The following ADCY2 variants were observed in gnomAD, a reference collection of about 807,000 sequenced individuals.
The protein encoded by ADCY2 is adenylate cyclase 2.
In ADCY2, 31 loss-of-function variants were observed where a neutral mutation model predicts 125.2. That is an observed-to-expected ratio of 0.25 (90% CI 0.19 to 0.33). The LOEUF is 0.33. Among genes scored for constraint, ADCY2 ranks in the 10% least tolerant of loss-of-function variants. The pLI, the probability that ADCY2 is intolerant of heterozygous loss-of-function variation, is 1.00. For synonymous variants in ADCY2, 512 were observed against 548.4 expected, an observed-to-expected ratio of 0.93 and a Z score of 0.93; for missense variants, 904 against 1,418.2, an observed-to-expected ratio of 0.64 and a Z score of 5.82.
At chr5:7,687,815 A>G (rs1740565866) in intron 4 of ADCY2, among the ~76,000 whole-genome samples, 1 of 152,204 alleles carries the variant, frequency 6.6e-6, no homozygotes, top group South Asian at 2.1e-4. Flanking sequence ...ACACTGGGAA[A>G]GTTGACTGAT....
Position 7,512,218 on chromosome 5 carries a change from C to CAAAAAAAAAAAAAAAAAAAAAA in ADCY2, c.409-8519_409-8498dup, listed in dbSNP as rs57381383. Among the ~76,000 whole-genome samples, 46 of 57,870 alleles carry CAAAAAAAAAAAAAAAAAAAAAA rather than the reference C, an allele frequency of 7.9e-4. 5 individuals are homozygous for CAAAAAAAAAAAAAAAAAAAAAA. Among genetic ancestry groups the CAAAAAAAAAAAAAAAAAAAAAA allele is most frequent in the East Asian group, 2.2e-3 (3 of 1,334 alleles). 38.0% of individuals were successfully genotyped at this position (57,870 alleles called of 152,430 possible). A position where few individuals can be genotyped will look rare whatever the true frequency, so the allele number is the denominator to read the frequency against. ...CCTGGGCAGTAGAGCATGACTCCATCAAAAAAAAAAAAAAAAAAAAAAGAA... is the reference window on the plus strand; with the variant it reads ...CCTGGGCAGTAGAGCATGACTCCATCAAAAAAAAAAAAAAAAAAAAAAAAAAAAAAAAAAAAAAAAAAAAGAA... On this transcript the variant is annotated intron_variant, in intron 2 of 24. Transcript: ENST00000338316.
chr5:7,426,044 G>A (rs1045978391), intron 2 of ADCY2, among the ~76,000 whole-genome samples: 8 of 152,296 alleles, frequency 5.3e-5, no homozygotes, highest in African/African-American at 1.9e-4. Context: ...ACTCAGAGGC[G>A]AGGTAGTAAA....
intron 4 of ADCY2, among the ~76,000 whole-genome samples, chr5:7,635,561 A>G (rs1738470568): frequency 6.6e-6 from 1 of 152,152 alleles, no homozygotes. Context: ...AGAAATCCAG[A>G]TTTGAGTTTT....
chr5:7,649,949 G>A (rs988234650), intron 4 of ADCY2, among the ~76,000 whole-genome samples: 1 of 151,898 alleles, frequency 6.6e-6, no homozygotes, highest in South Asian at 2.1e-4. Context: ...CAAGCCATCT[G>A]CAGATGGCCC....
At chr5:7,586,137 C>T (rs1269057278) in intron 3 of ADCY2, among the ~76,000 whole-genome samples, 1 of 152,046 alleles carries the variant, frequency 6.6e-6, no homozygotes, top group African/African-American at 2.4e-5. Context: ...TATATTTTTC[C>T]CTGTATCATG....
chr5:7,732,573 C>A (rs745948322), intron 14 of ADCY2, among the ~76,000 whole-genome samples: 1 of 152,120 alleles, frequency 6.6e-6, no homozygotes, highest in Non-Finnish European at 1.5e-5. Context: ...TTAAAGAAAC[C>A]ATTTTGCCGT....
intron 24 of ADCY2, among the ~76,000 whole-genome samples, chr5:7,824,796 A>G (rs1171522627): frequency 6.6e-6 from 1 of 152,118 alleles, no homozygotes; most frequent in Non-Finnish European, 1.5e-5. Flanking sequence ...TGGAGGATTC[A>G]CCCTGGTTCT....
At chr5:7,630,436 AG>A (rs1194027221) in intron 4 of ADCY2, among the ~76,000 whole-genome samples, 1 of 152,122 alleles carries the variant, frequency 6.6e-6, no homozygotes, top group Non-Finnish European at 1.5e-5. Context: ...TATTTCTTTA[AG>A]TTTTTATAAT....
At chr5:7,823,554 G>T (rs1360905846) in intron 24 of ADCY2, among the ~76,000 whole-genome samples, 2 of 152,258 alleles carry the variant, frequency 1.3e-5, no homozygotes, top group Middle Eastern at 3.4e-3. Flanking sequence ...AATGCCCAGG[G>T]ATACTCCTGC....
In ADCY2 at chr5:7,677,181, G is replaced by A. The variant is rs1740157118; in HGVS notation, c.721-13510G>A. On this transcript the variant is annotated intron_variant, in intron 4 of 24. Coordinates refer to ENST00000338316, the MANE Select transcript of ADCY2 (RefSeq NM_020546.3). ...TAATCTCAGCTACTCGGGAGGCTGA[G>A]GCAGGAGAATCGCTTGAACGCAGGA... Among the ~76,000 whole-genome samples, 4 of 152,256 alleles carry A rather than the reference G, an allele frequency of 2.6e-5. No homozygotes were observed. The South Asian group carries it at 8.3e-4, about 32-fold the overall frequency.
At chr5:7,674,889 C>T (rs1162214238) in intron 4 of ADCY2, among the ~76,000 whole-genome samples, 2 of 152,164 alleles carry the variant, frequency 1.3e-5, no homozygotes, top group Non-Finnish European at 2.9e-5. Context: ...GGCGCGGTGG[C>T]TCACGCCTGT....
chr5:7,670,763 G>A (rs79487026), intron 4 of ADCY2, among the ~76,000 whole-genome samples: 6,439 of 152,202 alleles, frequency 0.042, 438 homozygotes, highest in African/African-American at 0.15. Context: ...TTACTATAGC[G>A]TCCATGCTTC....
chr5:7,703,342 G>T (rs1408319784), intron 7 of ADCY2, among the ~76,000 whole-genome samples: 4 of 152,116 alleles, frequency 2.6e-5, no homozygotes, highest in African/African-American at 9.7e-5. Context: ...TTCTTCTAGG[G>T]TTTTTATGGT....
intron 14 of ADCY2, among the ~76,000 whole-genome samples, chr5:7,735,225 T>A (rs1742213070): frequency 1.3e-5 from 2 of 152,184 alleles, no homozygotes; most frequent in African/African-American, 4.8e-5. Context: ...CAAGTCTGAA[T>A]CTCAGGTTGT....
intron 2 of ADCY2, among the ~76,000 whole-genome samples, chr5:7,451,320 T>C (rs1741461790): frequency 6.6e-6 from 1 of 152,240 alleles, no homozygotes; most frequent in South Asian, 2.1e-4. Flanking sequence ...TGGAAGAAGT[T>C]GAGTTCAACC....
chr5:7,802,157 G>A lies in ADCY2; in HGVS notation c.2629-61G>A, dbSNP rs1423888471. The stretch of plus-strand genomic sequence containing the variant: ...TGGCATAAACAAGCCACTTGCCTGT[G>A]GAGTGTTTCTGTTTAAAGGTCAGTC... On this transcript the variant is annotated intron_variant, in intron 20 of 24. Coordinates refer to ENST00000338316, the MANE Select transcript of ADCY2 (RefSeq NM_020546.3). This position sits in a 1 kb window ranked among gnomAD's most constrained non-coding sequence, Gnocchi z 4.6. 1 of 1,575,786 alleles carries A rather than the reference G, an allele frequency of 6.3e-7. No individual in the cohort carries two copies. Among genetic ancestry groups the A allele is most frequent in the Non-Finnish European group, 8.6e-7 (1 of 1,159,198 alleles).
intron 4 of ADCY2, 109 bp downstream of exon 4, chr5:7,626,425 A>G: frequency 1.5e-6 from 2 of 1,307,142 alleles, no homozygotes; most frequent in Non-Finnish European, 2.1e-6. Context: ...CAGAAAAATC[A>G]GAGAAGAAAC....
Position 7,802,391 on chromosome 5 carries a change from G to A in ADCY2, c.2775+27G>A. ...TAGGTACTGAGAGTTGCCCTCGAAG[G>A]GCAGCAGTACACTCAGTCTCACACC... On this transcript the variant is annotated intron_variant, in intron 21 of 24. Transcript: ENST00000338316. The surrounding 1 kb of genome is among the most constrained non-coding windows in gnomAD (Gnocchi z 4.6). 1 of 1,610,502 alleles carries A rather than the reference G, an allele frequency of 6.2e-7. No homozygotes were observed. Among genetic ancestry groups the A allele is most frequent in the Non-Finnish European group, 8.5e-7 (1 of 1,177,898 alleles).
intron 2 of ADCY2, among the ~76,000 whole-genome samples, chr5:7,479,124 G>C (rs1414248550): frequency 1.3e-5 from 2 of 151,996 alleles, no homozygotes; most frequent in African/African-American, 4.8e-5. Context: ...TTATATACTT[G>C]ATTCATGAAT....
Sources: allele counts gnomAD v4.1 joint callset (sites outside exome capture counted in the v4.1 genomes callset), GRCh38; gene constraint gnomAD v4.1.1; non-coding constraint Gnocchi (gnomAD v3.1); transcripts MANE v1.5; gene names NCBI Gene and HGNC (gene_info 2026-07-23, HGNC 2026-07-21).